HIF1A: variants seen among roughly 807,000 people sequenced by gnomAD.
HIF1A encodes the protein hypoxia inducible factor 1 subunit alpha, also known as hypoxia-inducible factor 1-alpha.
Under a neutral mutation model 92.7 loss-of-function variants are expected in HIF1A, and 24 were observed. The ratio of observed to expected loss-of-function variants is 0.26; its 90% CI spans 0.19 to 0.36. The LOEUF (loss-of-function observed/expected upper bound fraction) is 0.36. HIF1A is among the 10% of genes least tolerant of loss of function. The pLI, the probability that HIF1A is intolerant of heterozygous loss-of-function variation, is 1.00. For missense variants in HIF1A, 799 were observed against 998.5 expected, an observed-to-expected ratio of 0.80 and a Z score of 2.69; for synonymous variants, 319 against 338.7, an observed-to-expected ratio of 0.94 and a Z score of 0.64.
intron 10 of HIF1A, among the ~76,000 whole-genome samples, chr14:61,738,891 C>T (rs913174746): frequency 6.6e-6 from 1 of 152,130 alleles, no homozygotes; most frequent in African/African-American, 2.4e-5. Context: ...CCTGCATCAC[C>T]ATGCCTGGCT....
rs758077542 is a variant in HIF1A at position 61,727,420 on chromosome 14, A to T, written c.571-33A>T. 24 of 1,503,004 alleles carry T rather than the reference A, an allele frequency of 1.6e-5. No individual in the cohort carries two copies. In the East Asian group the frequency reaches 4.1e-4, roughly 26 times the overall value. The allele number at this position is 1,503,004 out of a possible 1,614,324, so 93.1% of individuals were successfully genotyped here. On this transcript the variant is annotated intron_variant, in intron 5 of 14. Transcript: ENST00000337138. ...TTTTTTTTTCCCTAGCATTGTAAATATTTTTTTTAACTGCTTTGTTCTTCA... is the reference window on the plus strand; with the variant it reads ...TTTTTTTTTCCCTAGCATTGTAAATTTTTTTTTTAACTGCTTTGTTCTTCA...
chr14:61,726,222 G>A (rs2140141896), intron 4 of HIF1A, among the ~76,000 whole-genome samples: 1 of 151,490 alleles, frequency 6.6e-6, no homozygotes, highest in East Asian at 1.9e-4. Flanking sequence ...TAAATTAAGG[G>A]GAAAAAAATA....
intron 1 of HIF1A, among the ~76,000 whole-genome samples, chr14:61,714,732 A>G (rs1029689046): frequency 6.6e-6 from 1 of 152,208 alleles, no homozygotes; most frequent in South Asian, 2.1e-4. Context: ...TTTAAAAATG[A>G]GTACAAACAA....
intron 12 of HIF1A, among the ~76,000 whole-genome samples, chr14:61,741,960 T>A (rs952006843): frequency 2.6e-5 from 4 of 152,310 alleles, no homozygotes; most frequent in African/African-American, 9.6e-5. Context: ...TCAATATAGA[T>A]ATTTACAGGC....
In HIF1A at chr14:61,732,531, A is replaced by G. The variant is rs752820762; in HGVS notation, c.880+7A>G. The G allele has an allele frequency of 1.9e-5, 28 of 1,469,180 alleles. No homozygotes were observed. The East Asian group carries it at 5.2e-4, about 27-fold the overall frequency. 91.0% of individuals were successfully genotyped at this position (1,469,180 alleles called of 1,614,324 possible). ...ACCAAAACTCATCATGATAGTAAGT[A>G]CAATGGAAGAACTCAGAGATATTCT... On this transcript the variant is annotated splice_region_variant and intron_variant, in intron 7 of 14. Coordinates refer to ENST00000337138, the MANE Select transcript of HIF1A (RefSeq NM_001530.4).
chr14:61,745,649 A>G, intron 13 of HIF1A, 42 bp from the exon 14 acceptor site: 2 of 1,581,990 alleles, frequency 1.3e-6, no homozygotes, highest in African/African-American at 1.4e-5. Context: ...TTTAAAAAAA[A>G]AATTCAACAA....
In HIF1A at chr14:61,720,549, G is replaced by A. The variant is rs750216888; in HGVS notation, c.203G>A (p.Arg68His). ...ATGAGGCTTACCATCAGCTATTTGCGTGTGAGGAAACTTCTGGATGCTGGT... is the reference window on the plus strand; with the variant it reads ...ATGAGGCTTACCATCAGCTATTTGCATGTGAGGAAACTTCTGGATGCTGGT... Reference protein sequence around the residue: ...SVMRLTISYLRVRKLLDAGDL... With the variant: ...SVMRLTISYLHVRKLLDAGDL... Residue 68 changes from arginine (R) to histidine (H), a missense_variant, in exon 2 of 15, where the codon CGT (arginine) becomes CAT (histidine). Transcript: ENST00000337138. 1.6e-5 allele frequency: 26 copies of A among 1,605,218 alleles called. No individual in the cohort carries two copies. The highest frequency in any genetic ancestry group is 3.5e-5 in the Admixed American group (2 of 57,902).
Position 61,727,616 on chromosome 14 carries a change from G to A in HIF1A, c.734G>A (p.Arg245Gln), listed in dbSNP as rs2044522437. Residue 245 changes from arginine (R) to glutamine (Q), a missense_variant, in exon 6 of 15, where the codon CGA (arginine) becomes CAA (glutamine). Transcript: ENST00000337138. ...TTAGATAGCAAGACTTTCCTCAGTC[G>A]ACACAGCCTGGATATGAAATTTTCT... ...IPLDSKTFLSRHSLDMKFSYC... is the reference protein window; with the variant it reads ...IPLDSKTFLSQHSLDMKFSYC... 8 of 1,613,354 alleles carry A rather than the reference G, an allele frequency of 5.0e-6. No individual in the cohort carries two copies. Among genetic ancestry groups the A allele is most frequent in the Non-Finnish European group, 6.8e-6 (8 of 1,179,588 alleles).
chr14:61,711,560 T>C lies in HIF1A; in HGVS notation c.36-8822T>C, dbSNP rs1189980926. On this transcript the variant is annotated intron_variant, in intron 1 of 14. Transcript: ENST00000337138. ...CTCTCTTTACACCTCTAAATCTCTT[T>C]CCTGGCAAGATCATTTATTTGCCTT... Among the ~76,000 whole-genome samples the C allele has an allele frequency of 3.9e-5, 6 of 152,194 alleles. No homozygotes were observed. The East Asian group carries it at 9.6e-4, about 24-fold the overall frequency.
intron 1 of HIF1A, among the ~76,000 whole-genome samples, chr14:61,705,482 C>G (rs1023297866): frequency 1.3e-5 from 2 of 152,082 alleles, no homozygotes; most frequent in Non-Finnish European, 2.9e-5. Context: ...TATAAATTAC[C>G]AAATCCGCCT....
intron 1 of HIF1A, among the ~76,000 whole-genome samples, chr14:61,703,710 A>G (rs149561592): frequency 3.4e-4 from 52 of 152,172 alleles, no homozygotes; most frequent in African/African-American, 1.1e-3. Context: ...CTACTTGGCC[A>G]TGTGAATGGA....
rs550592874 is a variant in HIF1A at position 61,735,965 on chromosome 14, C to T, written c.1029-924C>T. On this transcript the variant is annotated intron_variant, in intron 8 of 14. Transcript: ENST00000337138. The stretch of plus-strand genomic sequence containing the variant: ...AAATTGCCTTGCCATTACTACTCTT[C>T]TCAAAGGATATCTGAAATTCTTTTT... Among the ~76,000 whole-genome samples the T allele has an allele frequency of 5.9e-5, 9 of 151,384 alleles. No homozygotes were observed. In the South Asian group the frequency reaches 1.9e-3, roughly 32 times the overall value.
intron 4 of HIF1A, 49 bp downstream of exon 4, chr14:61,721,872 A>T: frequency 7.9e-7 from 1 of 1,260,172 alleles, no homozygotes; most frequent in African/African-American, 1.5e-5. Flanking sequence ...GTTTTACATA[A>T]TAAGATACTA....
At chr14:61,720,299 G>T in intron 1 of HIF1A, 83 bp from the exon 2 acceptor site, 1 of 944,346 alleles carries the variant, frequency 1.1e-6, no homozygotes, top group Non-Finnish European at 1.6e-6. Context: ...GTGATAAGCA[G>T]AAATGTAAAG....
At chr14:61,718,283 A>G (rs771752760) in intron 1 of HIF1A, among the ~76,000 whole-genome samples, 1 of 152,230 alleles carries the variant, frequency 6.6e-6, no homozygotes, top group Non-Finnish European at 1.5e-5. Flanking sequence ...AACGCCTGGA[A>G]TGATTGTGGC....
chr14:61,702,862 G>A (rs1024523357), intron 1 of HIF1A, among the ~76,000 whole-genome samples: 6 of 152,170 alleles, frequency 3.9e-5, no homozygotes, highest in African/African-American at 1.4e-4. Flanking sequence ...AATAACTGTA[G>A]GATTAGGGAC....
rs185599376 is a variant in HIF1A, at chr14:61,734,582, C to T, written c.1028+297C>T. Reference sequence around the variant, plus strand: ...TGGTTTGGTCTAATTATACAGATATCGGCATATACTATCTCAAGACAGCTG... The same window carrying T: ...TGGTTTGGTCTAATTATACAGATATTGGCATATACTATCTCAAGACAGCTG... On this transcript the variant is annotated intron_variant, in intron 8 of 14. Coordinates refer to ENST00000337138, the MANE Select transcript of HIF1A (RefSeq NM_001530.4). Among the ~76,000 whole-genome samples, 54 of 152,212 alleles carry T rather than the reference C, an allele frequency of 3.5e-4. No individual in the cohort carries two copies. The East Asian group carries it at 6.0e-3, about 17-fold the overall frequency.
intron 4 of HIF1A, among the ~76,000 whole-genome samples, chr14:61,725,682 T>C (rs1466181382): frequency 1.3e-5 from 2 of 152,244 alleles, no homozygotes; most frequent in Non-Finnish European, 2.9e-5. Context: ...CCCAAAGTGC[T>C]GGGATTACAG....
chr14:61,695,909 T>G, intron 1 of HIF1A, 70 bp downstream of exon 1: 1 of 1,424,122 alleles, frequency 7.0e-7, no homozygotes, highest in Non-Finnish European at 9.7e-7. Context: ...CCTGGGCTCC[T>G]GGGCCGGCCT....
Sources: gnomAD v4.1 joint callset for allele counts (sites outside exome capture counted in the v4.1 genomes callset) on GRCh38, gnomAD v4.1.1 for gene constraint, MANE v1.5 for transcripts, NCBI Gene and HGNC (gene_info 2026-07-23, HGNC 2026-07-21) for gene names.